The following ATP10B variants were observed in gnomAD, a reference collection of about 807,000 sequenced individuals.
ATP10B encodes phospholipid-transporting ATPase VB.
A neutral mutation model predicts 141.2 loss-of-function variants in ATP10B; 122 were observed. The observed-to-expected ratio is 0.86, with a 90% CI of 0.75 to 1.00. The LOEUF is 1.00. Among genes scored for constraint, ATP10B ranks in the 50% least tolerant of loss-of-function variants. ATP10B has a pLI of 0.00. For synonymous variants in ATP10B, 685 were observed against 692.0 expected, an observed-to-expected ratio of 0.99 and a Z score of 0.16; for missense variants, 1,876 against 1,825.3, an observed-to-expected ratio of 1.03 and a Z score of -0.51.
chr5:160,657,944 T>A (rs1761621837), intron 7 of ATP10B, among the ~76,000 whole-genome samples: 1 of 152,212 alleles, frequency 6.6e-6, no homozygotes, highest in South Asian at 2.1e-4. Context: ...AAGGGAGTAT[T>A]ACACAGACAA....
intron 7 of ATP10B, among the ~76,000 whole-genome samples, chr5:160,656,891 C>T (rs115736224): frequency 1.1e-3 from 171 of 152,170 alleles, no homozygotes; most frequent in African/African-American, 4.1e-3. Context: ...TAGTTTTTAC[C>T]AAGAGTCAAG....
intron 3 of ATP10B, among the ~76,000 whole-genome samples, chr5:160,689,999 C>A (rs1398071230): frequency 6.6e-6 from 1 of 151,772 alleles, no homozygotes; most frequent in Non-Finnish European, 1.5e-5. Flanking sequence ...ATACTGGTAC[C>A]AAAACAGAGA....
intron 18 of ATP10B, among the ~76,000 whole-genome samples, chr5:160,608,472 ATTTCTAGT>A (rs951323812): frequency 5.3e-5 from 8 of 152,114 alleles, no homozygotes; most frequent in South Asian, 2.1e-4. Flanking sequence ...GTCAAATGGT[ATTTCTAGT>A]TCTAGATCCT....
chr5:160,771,022 G>A (rs931662174), intron 2 of ATP10B, among the ~76,000 whole-genome samples: 8 of 152,132 alleles, frequency 5.3e-5, no homozygotes, highest in South Asian at 2.1e-4. Context: ...TGGTGAATAC[G>A]TTTGCTGAAA....
At chr5:160,575,485 A>G (rs1332564007) in intron 24 of ATP10B, among the ~76,000 whole-genome samples, 1 of 152,102 alleles carries the variant, frequency 6.6e-6, no homozygotes, top group Non-Finnish European at 1.5e-5. Context: ...TTTCCTTATG[A>G]GCATATTCAG....
chr5:160,702,659 T>C (rs942326810), intron 3 of ATP10B, among the ~76,000 whole-genome samples: 9 of 152,208 alleles, frequency 5.9e-5, no homozygotes, highest in African/African-American at 1.7e-4. Context: ...TCTCCTTTGA[T>C]CTGAGGGAAT....
intron 24 of ATP10B, among the ~76,000 whole-genome samples, chr5:160,576,977 C>T (rs778245257): frequency 6.6e-6 from 1 of 152,158 alleles, no homozygotes; most frequent in Non-Finnish European, 1.5e-5. Flanking sequence ...ACACATTTCC[C>T]TCCCAGGAAA....
chr5:160,565,692 T>C lies in ATP10B; in HGVS notation c.4147A>G (p.Lys1383Glu), dbSNP rs1754491478. The C allele has an allele frequency of 6.2e-7, 1 of 1,613,914 alleles. No individual in the cohort carries two copies. Among genetic ancestry groups the C allele is most frequent in the African/African-American group, 1.3e-5 (1 of 74,888 alleles). Residue 1383 changes from lysine (K) to glutamate (E), a missense_variant, in exon 26 of 26, where the codon AAG becomes GAG. Physicochemically the swap from Lys to Glu is moderately conservative, Grantham distance 56. Coordinates refer to ENST00000327245, the MANE Select transcript of ATP10B (RefSeq NM_025153.3). ...TGQDFSASTP[K>E]SSNPPKRKHV... ...TTCCTCTTGGGAGGGTTAGAGCTCT[T>C]TGGGGTGCTGGCACTGAAGTCCTGT...
intron 1 of ATP10B, among the ~76,000 whole-genome samples, chr5:160,838,004 C>T (rs1207550540): frequency 1.3e-5 from 2 of 152,164 alleles, no homozygotes; most frequent in African/African-American, 4.8e-5. Context: ...ATCTCTTACT[C>T]ATAAACTTTT....
intron 1 of ATP10B, among the ~76,000 whole-genome samples, chr5:160,821,622 A>G (rs1431058075): frequency 6.6e-6 from 1 of 152,064 alleles, no homozygotes; most frequent in Admixed American, 6.5e-5. Context: ...ACTAAGCTAT[A>G]GTAACCAAAA....
intron 1 of ATP10B, among the ~76,000 whole-genome samples, chr5:160,795,939 A>G (rs574559842): frequency 6.6e-6 from 1 of 152,284 alleles, no homozygotes; most frequent in South Asian, 2.1e-4. Flanking sequence ...GTGGTAATTT[A>G]TATGGCAGCC....
Position 160,796,786 on chromosome 5 carries a change from T to TAC in ATP10B, c.-575-10985_-575-10984dup, listed in dbSNP as rs565334567. On this transcript the variant is annotated intron_variant, in intron 1 of 25. Coordinates refer to ENST00000327245, the MANE Select transcript of ATP10B (RefSeq NM_025153.3). ...CTTGAGAGTGGACTCCTCACACAGG[T>TAC]ACCTCCCACCTGCACTTGGAGGACA... 3.1e-4 allele frequency among the ~76,000 whole-genome samples: 47 copies of TAC among 152,200 alleles called. No individual in the cohort carries two copies. The South Asian group carries it at 9.1e-3, about 30-fold the overall frequency.
chr5:160,570,373 T>C (rs902534782), intron 24 of ATP10B, among the ~76,000 whole-genome samples: 7 of 152,226 alleles, frequency 4.6e-5, no homozygotes, highest in African/African-American at 1.7e-4. Context: ...GTCATTCTAT[T>C]GTTCTTTTAA....
intron 15 of ATP10B, 105 bp from the exon 16 acceptor site, chr5:160,618,078 A>G: frequency 4.3e-6 from 4 of 927,088 alleles, no homozygotes; most frequent in Non-Finnish European, 7.0e-6. Flanking sequence ...TACTTTAGAG[A>G]AGGAATCCCT....
chr5:160,815,070 G>A (rs1561884262), intron 1 of ATP10B, among the ~76,000 whole-genome samples: 1 of 152,178 alleles, frequency 6.6e-6, no homozygotes, highest in African/African-American at 2.4e-5. Context: ...GGAAGAAACT[G>A]CATCAACTAA....
chr5:160,914,271 C>G, the ATP10B span, among the ~76,000 whole-genome samples: 7 of 152,056 alleles, frequency 4.6e-5, no homozygotes, highest in Non-Finnish European at 8.8e-5. Flanking sequence ...TCATAAAACA[C>G]TACCCTATTC....
chr5:160,847,516 C>T (rs1356624698), intron 1 of ATP10B, among the ~76,000 whole-genome samples: 4 of 152,164 alleles, frequency 2.6e-5, no homozygotes, highest in Non-Finnish European at 5.9e-5. Flanking sequence ...GGGAAAACTC[C>T]ATGTGGCACC....
chr5:160,708,864 T>C (rs1765178496), intron 3 of ATP10B, among the ~76,000 whole-genome samples: 1 of 152,184 alleles, frequency 6.6e-6, no homozygotes, highest in Non-Finnish European at 1.5e-5. Flanking sequence ...TTGAATTATC[T>C]CGTGGATTAA....
intron 16 of ATP10B, among the ~76,000 whole-genome samples, chr5:160,617,529 G>C (rs757428599): frequency 6.6e-6 from 1 of 152,084 alleles, no homozygotes; most frequent in East Asian, 1.9e-4. Context: ...CATATAAAAG[G>C]TCCCCAAATT....
Sources: allele counts gnomAD v4.1 joint callset (sites outside exome capture counted in the v4.1 genomes callset), GRCh38; gene constraint gnomAD v4.1.1; transcripts MANE v1.5; gene names NCBI Gene and HGNC (gene_info 2026-07-23, HGNC 2026-07-21).